The following TRIO variants were observed in gnomAD, a reference collection of about 807,000 sequenced individuals.
TRIO encodes the protein triple functional domain protein.
A neutral mutation model predicts 351.9 loss-of-function variants in TRIO; 58 were observed. The observed-to-expected ratio is 0.16, with a 90% CI of 0.13 to 0.21. The LOEUF (loss-of-function observed/expected upper bound fraction) is 0.21. TRIO is among the 10% of genes least tolerant of loss of function. The pLI, the probability that TRIO is intolerant of heterozygous loss-of-function variation, is 1.00. For missense variants in TRIO, 3,201 were observed against 4,027.8 expected (o/e 0.79, Z 5.56); for synonymous variants, 1,758 against 1,595.7 (o/e 1.10, Z -2.42).
intron 3 of TRIO, among the ~76,000 whole-genome samples, chr5:14,282,781 C>T (rs1231959846): frequency 1.3e-5 from 2 of 152,106 alleles, no homozygotes; most frequent in Admixed American, 6.5e-5. Flanking sequence ...GATGACCCTC[C>T]GGCCACTGAA....
chr5:14,248,058 T>A (rs1794537017), intron 1 of TRIO, among the ~76,000 whole-genome samples: 1 of 105,564 alleles, frequency 9.5e-6, no homozygotes, highest in Admixed American at 1.0e-4. Flanking sequence ...AGAGCGAGAC[T>A]CCGTCTCAAA....
chr5:14,269,171 G>T (rs1212098943), intron 1 of TRIO, among the ~76,000 whole-genome samples: 2 of 152,162 alleles, frequency 1.3e-5, no homozygotes, highest in Non-Finnish European at 2.9e-5. Flanking sequence ...TCCTCAGCCG[G>T]ATGTGTTTGC....
rs1420875369 is a variant in TRIO, at chr5:14,473,980, C to T, written c.5980-14C>T. 1 of 1,607,508 alleles carries T rather than the reference C, an allele frequency of 6.2e-7. No homozygotes were observed. Among genetic ancestry groups the T allele is most frequent in the African/African-American group, 1.3e-5 (1 of 74,844 alleles). ...ATTCCATGAAATACACTTATCATAACTGTTTAATTGTAGGGCTACATGGCA... is the reference window on the plus strand; with the variant it reads ...ATTCCATGAAATACACTTATCATAATTGTTTAATTGTAGGGCTACATGGCA... On this transcript the variant is annotated splice_polypyrimidine_tract_variant and intron_variant, in intron 39 of 56. Coordinates refer to ENST00000344204, the MANE Select transcript of TRIO (RefSeq NM_007118.4).
intron 34 of TRIO, among the ~76,000 whole-genome samples, chr5:14,439,715 A>G (rs902794898): frequency 6.6e-6 from 1 of 152,234 alleles, no homozygotes; most frequent in Non-Finnish European, 1.5e-5. Context: ...GCATAAGTAC[A>G]CCATCTGGAT....
intron 8 of TRIO, among the ~76,000 whole-genome samples, chr5:14,306,959 T>C (rs1253645116): frequency 2.0e-5 from 3 of 152,088 alleles, no homozygotes; most frequent in Non-Finnish European, 2.9e-5. Context: ...CAAACTGAGG[T>C]CTTAGATGGA....
At chr5:14,205,221 G>GA (rs905878485) in intron 1 of TRIO, among the ~76,000 whole-genome samples, 1 of 152,238 alleles carries the variant, frequency 6.6e-6, no homozygotes, top group African/African-American at 2.4e-5. Context: ...CAGGGAGGTG[G>GA]AGTTACTTAG....
At chr5:14,365,891 A>T (rs1189465560) in intron 15 of TRIO, among the ~76,000 whole-genome samples, 2 of 152,136 alleles carry the variant, frequency 1.3e-5, no homozygotes, top group African/African-American at 2.4e-5. Context: ...CAGGAAGGGG[A>T]ACGCATAATG....
intron 18 of TRIO, among the ~76,000 whole-genome samples, chr5:14,373,033 G>A (rs1223503690): frequency 2.1e-4 from 32 of 152,334 alleles, no homozygotes; most frequent in Non-Finnish European, 3.7e-4. Flanking sequence ...GGCGCGGGAA[G>A]TAGAAGAATG....
At chr5:14,297,887 G>T (rs115398169) in intron 7 of TRIO, among the ~76,000 whole-genome samples, 1,966 of 152,216 alleles carry the variant, frequency 0.013, 41 homozygotes, top group African/African-American at 0.045. Flanking sequence ...CTCACCCTCC[G>T]CAGGGATGGC....
At chr5:14,444,077 A>C (rs1482472271) in intron 34 of TRIO, among the ~76,000 whole-genome samples, 1 of 118,324 alleles carries the variant, frequency 8.5e-6, no homozygotes, top group African/African-American at 4.9e-5. Flanking sequence ...ATTCTCTTGA[A>C]GTCTTTTTTT....
At chr5:14,185,183 CT>C (rs1272255905) in intron 1 of TRIO, among the ~76,000 whole-genome samples, 1 of 147,392 alleles carries the variant, frequency 6.8e-6, no homozygotes, top group Non-Finnish European at 1.5e-5. Flanking sequence ...TCTCTCTCTC[CT>C]TTCCTTCTTG....
chr5:14,389,246 A>C (rs1746833577), intron 24 of TRIO, 43 bp from the exon 25 acceptor site: 1 of 1,460,468 alleles, frequency 6.8e-7, no homozygotes, highest in African/African-American at 1.4e-5. Context: ...TCTTGAAAAT[A>C]TGGTGATTAT....
At chr5:14,271,127 T>G (rs1337705949) in intron 2 of TRIO, among the ~76,000 whole-genome samples, 2 of 152,238 alleles carry the variant, frequency 1.3e-5, no homozygotes, top group Non-Finnish European at 2.9e-5. Flanking sequence ...TGAAAATACA[T>G]TTGTTTCTGC....
intron 31 of TRIO, among the ~76,000 whole-genome samples, chr5:14,402,929 T>C (rs1748214268): frequency 6.6e-6 from 1 of 151,424 alleles, no homozygotes; most frequent in African/African-American, 2.4e-5. Context: ...TTGGTCTAGA[T>C]GGTGTGGTGA....
Position 14,178,787 on chromosome 5 carries a change from T to C in TRIO, c.157+34905T>C, listed in dbSNP as rs1448514551. 2.0e-5 allele frequency among the ~76,000 whole-genome samples: 3 copies of C among 152,282 alleles called. No individual in the cohort carries two copies. The East Asian group carries it at 5.8e-4, about 29-fold the overall frequency. ...CCAGGATACATAAAGGCATGGACAG[T>C]TGGCCAAGGAGAGTGGTCACAGGGG... On this transcript the variant is annotated intron_variant, in intron 1 of 56. Coordinates refer to ENST00000344204, the MANE Select transcript of TRIO (RefSeq NM_007118.4).
At position 14,488,860 on chromosome 5, in the gene TRIO, C is replaced by A. The variant is rs1254789546; in HGVS notation, c.7632+600C>A. On this transcript the variant is annotated intron_variant, in intron 48 of 56. Coordinates refer to ENST00000344204, the MANE Select transcript of TRIO (RefSeq NM_007118.4). The stretch of plus-strand genomic sequence containing the variant: ...TGGAAGACAGAGACTGCTCTGGGCA[C>A]CTGGCGAGGCGGCTCTGCAGTGCAG... 3 of 715,080 alleles carry A rather than the reference C, an allele frequency of 4.2e-6. No homozygotes were observed. In the East Asian group the frequency reaches 7.8e-5, roughly 19 times the overall value. 44.3% of individuals were successfully genotyped at this position (715,080 alleles called of 1,614,324 possible). A position where few individuals can be genotyped will look rare whatever the true frequency, so the allele number is the denominator to read the frequency against.
In TRIO at chr5:14,290,887, C is replaced by G. The variant is rs749363168; in HGVS notation, c.712C>G (p.Gln238Glu). 1.9e-6 allele frequency: 3 copies of G among 1,614,140 alleles called. No individual in the cohort carries two copies. Among genetic ancestry groups the G allele is most frequent in the Admixed American group, 1.7e-5 (1 of 60,014 alleles). The change falls in exon 5 of 57, where the codon CAG becomes GAG. Residue 238 changes from glutamine (Q) to glutamate (E), a missense_variant. Physicochemically the swap from Gln to Glu is conservative, Grantham distance 29. Transcript: ENST00000344204. ...THMLSRLEEL[Q>E]DILAKKELPQ... The stretch of plus-strand genomic sequence containing the variant: ...CATGCTGTCTCGGCTGGAGGAACTT[C>G]AGGACATCCTAGCTAAGAAGGAGCT...
chr5:14,263,336 G>A lies in TRIO; in HGVS notation c.158-7489G>A, dbSNP rs146148429. Among the ~76,000 whole-genome samples, 258 of 152,188 alleles carry A rather than the reference G, an allele frequency of 1.7e-3. 1 individual carries two copies. The highest frequency in any genetic ancestry group is 5.9e-3 in the African/African-American group (247 of 41,538). On this transcript the variant is annotated intron_variant, in intron 1 of 56. Transcript: ENST00000344204. Reference sequence around the variant, plus strand: ...AATTAGTTTATATCACTTCTCTGTGGTTGAGAGCCCCTCTGGCCCCAGTTC... The same window carrying A: ...AATTAGTTTATATCACTTCTCTGTGATTGAGAGCCCCTCTGGCCCCAGTTC...
chr5:14,453,525 C>T (rs1372459905), intron 34 of TRIO, among the ~76,000 whole-genome samples: 2 of 152,204 alleles, frequency 1.3e-5, no homozygotes, highest in Non-Finnish European at 2.9e-5. Flanking sequence ...CTTTATGCCT[C>T]AGCCATCCTA....
Sources: gnomAD v4.1 joint callset for allele counts (sites outside exome capture counted in the v4.1 genomes callset) on GRCh38, gnomAD v4.1.1 for gene constraint, MANE v1.5 for transcripts, NCBI Gene and HGNC (gene_info 2026-07-23, HGNC 2026-07-21) for gene names.